Variants in PTPRN2 observed in about 807,000 individuals in gnomAD.
PTPRN2 encodes the protein receptor-type tyrosine-protein phosphatase N2.
PTPRN2 carries 74 observed loss-of-function variants against 118.8 expected under a neutral mutation model. The observed-to-expected ratio is 0.62, with a 90% CI of 0.52 to 0.76. The LOEUF (loss-of-function observed/expected upper bound fraction) is 0.76. PTPRN2 is among the 30% of genes least tolerant of loss of function. The pLI, the probability that PTPRN2 is intolerant of heterozygous loss-of-function variation, is 0.00. For synonymous variants in PTPRN2, 641 were observed against 608.0 expected, an observed-to-expected ratio of 1.05 and a Z score of -0.80; for missense variants, 1,481 against 1,394.4, an observed-to-expected ratio of 1.06 and a Z score of -0.99.
At chr7:158,123,542 G>A (rs758681325) in intron 9 of PTPRN2, among the ~76,000 whole-genome samples, 10 of 152,098 alleles carry the variant, frequency 6.6e-5, no homozygotes, top group South Asian at 2.1e-4. Context: ...TTCCTCCTGC[G>A]GACCGCCATG....
At chr7:157,830,537 G>A (rs1331803527) in intron 12 of PTPRN2, among the ~76,000 whole-genome samples, 4 of 151,828 alleles carry the variant, frequency 2.6e-5, no homozygotes, top group Non-Finnish European at 4.4e-5. Context: ...TGCTGTGGCC[G>A]GAGGCACACA....
At chr7:157,934,126 C>T (rs28546625) in intron 11 of PTPRN2, among the ~76,000 whole-genome samples, 5,325 of 152,222 alleles carry the variant, frequency 0.035, 277 homozygotes, top group African/African-American at 0.11. Context: ...GGCACGTGTG[C>T]GGATCCATCT....
intron 12 of PTPRN2, among the ~76,000 whole-genome samples, chr7:157,795,995 A>G (rs1804847364): frequency 6.6e-6 from 1 of 152,232 alleles, no homozygotes; most frequent in South Asian, 2.1e-4. Flanking sequence ...GAGAGGCCCT[A>G]TGGTGCACAC....
At chr7:158,364,622 A>G (rs1809285224) in intron 2 of PTPRN2, among the ~76,000 whole-genome samples, 1 of 152,230 alleles carries the variant, frequency 6.6e-6, no homozygotes, top group South Asian at 2.1e-4. Flanking sequence ...TCACGCTGAC[A>G]CGCTGAGAGT....
intron 17 of PTPRN2, among the ~76,000 whole-genome samples, chr7:157,578,909 T>C (rs1585056115): frequency 6.6e-6 from 1 of 152,242 alleles, no homozygotes; most frequent in Non-Finnish European, 1.5e-5. Context: ...TATTAGCATA[T>C]GAAATTATAG....
intron 13 of PTPRN2, among the ~76,000 whole-genome samples, chr7:157,666,778 G>T (rs552327836): frequency 1.3e-5 from 2 of 152,378 alleles, no homozygotes; most frequent in South Asian, 2.1e-4. Context: ...AGAGTACAAG[G>T]CCTGGCTTGC....
chr7:157,557,552 C>CCACACCCA (rs1554491377), intron 21 of PTPRN2, among the ~76,000 whole-genome samples: 1 of 149,626 alleles, frequency 6.7e-6, no homozygotes, highest in Non-Finnish European at 1.5e-5. Context: ...ACACACACTC[C>CCACACCCA]CACACACACA....
At chr7:157,967,288 C>A (rs994561674) in intron 11 of PTPRN2, among the ~76,000 whole-genome samples, 1 of 152,158 alleles carries the variant, frequency 6.6e-6, no homozygotes, top group Non-Finnish European at 1.5e-5. Context: ...CCAGCCTGGG[C>A]GACAGAGTGA....
rs575025674 is a variant in PTPRN2, at chr7:157,866,818, A to G, written c.1788+31855T>C. 1.5e-3 allele frequency among the ~76,000 whole-genome samples: 152 copies of G among 103,030 alleles called. 1 individual carries two copies. Among genetic ancestry groups the G allele is most frequent in the African/African-American group, 5.0e-3 (128 of 25,428 alleles). The allele number at this position is 103,030 out of a possible 152,430, so 67.6% of individuals were successfully genotyped here. A position where few individuals can be genotyped will look rare whatever the true frequency, so the allele number is the denominator to read the frequency against. On this transcript the variant is annotated intron_variant, in intron 12 of 22. Transcript: ENST00000389418. ...ACCCCGCCCCCGACGCCCTGGATAC[A>G]TGGCCACCACCGCCCCCCCCCGACG...
In PTPRN2 at chr7:158,121,133, G is replaced by T. The variant is rs554651409; in HGVS notation, c.1557-10218C>A. Among the ~76,000 whole-genome samples, 5 of 152,222 alleles carry T rather than the reference G, an allele frequency of 3.3e-5. No homozygotes were observed. The South Asian group carries it at 1.0e-3, about 32-fold the overall frequency. On this transcript the variant is annotated intron_variant, in intron 9 of 22. Coordinates refer to ENST00000389418, the MANE Select transcript of PTPRN2 (RefSeq NM_002847.5). ...TCTCTGCCTGGGCCTGGTGGTGACT[G>T]CTCCAAAGGGCCAGCCTACCTGCTC...
At position 158,093,815 on chromosome 7, in the gene PTPRN2, GAGGA is replaced by G. The variant is rs1272730666; in HGVS notation, c.1644-12442_1644-12439del. Among the ~76,000 whole-genome samples the G allele has an allele frequency of 1.3e-5, 2 of 152,174 alleles. No individual in the cohort carries two copies. The highest frequency in any genetic ancestry group is 4.8e-5 in the African/African-American group (2 of 41,426). On this transcript the variant is annotated intron_variant, in intron 10 of 22. Transcript: ENST00000389418. The surrounding 1 kb of genome is among the most constrained non-coding windows in gnomAD (Gnocchi z 4.4). ...ATATCTAGCCTAAGAGCTTACAAAG[GAGGA>G]AGAAGAGAGAACCAATTCTTATTTG...
chr7:157,917,936 T>G (rs1798501849), intron 11 of PTPRN2, among the ~76,000 whole-genome samples: 1 of 152,120 alleles, frequency 6.6e-6, no homozygotes, highest in South Asian at 2.1e-4. Context: ...CAACGCAAAT[T>G]TCAGTGAAAT....
chr7:158,087,487 A>G (rs1438593923), intron 10 of PTPRN2, among the ~76,000 whole-genome samples: 1 of 152,244 alleles, frequency 6.6e-6, no homozygotes, highest in Non-Finnish European at 1.5e-5. Flanking sequence ...CCACCTTTTG[A>G]CAGTCAAATT....
intron 2 of PTPRN2, among the ~76,000 whole-genome samples, chr7:158,480,569 C>T (rs926493597): frequency 7.2e-5 from 11 of 152,216 alleles, no homozygotes; most frequent in Admixed American, 5.2e-4. Context: ...GAAGCCATGC[C>T]GAAAGCCAAG....
At chr7:158,490,212 C>T (rs1028828913) in intron 1 of PTPRN2, among the ~76,000 whole-genome samples, 3 of 152,242 alleles carry the variant, frequency 2.0e-5, no homozygotes, top group Admixed American at 2.0e-4. Flanking sequence ...CGGAGGCTTC[C>T]AGGGAGGTAA....
chr7:158,312,281 C>CAT (rs60594105), intron 3 of PTPRN2, among the ~76,000 whole-genome samples: 2,287 of 118,692 alleles, frequency 0.019, 69 homozygotes, highest in African/African-American at 0.066. Context: ...CATGTAGACA[C>CAT]GCACACATGC....
At chr7:157,742,088 C>G (rs1398685050) in intron 12 of PTPRN2, among the ~76,000 whole-genome samples, 1 of 152,246 alleles carries the variant, frequency 6.6e-6, no homozygotes, top group Non-Finnish European at 1.5e-5. Flanking sequence ...AGATGTATCT[C>G]TCTACGGTGA....
chr7:157,966,323 A>C lies in PTPRN2; in HGVS notation c.1724-67586T>G, dbSNP rs114509453. Reference sequence around the variant, plus strand: ...CATCACCACCATCATCTTCATTACCACCATCATCTTCACCACCACCATCAT... The same window carrying C: ...CATCACCACCATCATCTTCATTACCCCCATCATCTTCACCACCACCATCAT... On this transcript the variant is annotated intron_variant, in intron 11 of 22. Coordinates refer to ENST00000389418, the MANE Select transcript of PTPRN2 (RefSeq NM_002847.5). Among the ~76,000 whole-genome samples, 488 of 150,580 alleles carry C rather than the reference A, an allele frequency of 3.2e-3. 2 individuals are homozygous for C. The highest frequency in any genetic ancestry group is 0.011 in the African/African-American group (441 of 40,178).
intron 6 of PTPRN2, among the ~76,000 whole-genome samples, chr7:158,142,544 T>G (rs1179491405): frequency 1.3e-5 from 2 of 152,142 alleles, no homozygotes; most frequent in Admixed American, 6.5e-5. Context: ...AACGCAGGGA[T>G]TGGCATGGAG....
Sources: gnomAD v4.1 joint callset for allele counts (sites outside exome capture counted in the v4.1 genomes callset) on GRCh38, gnomAD v4.1.1 for gene constraint, Gnocchi (gnomAD v3.1) non-coding constraint, MANE v1.5 for transcripts, NCBI Gene and HGNC (gene_info 2026-07-23, HGNC 2026-07-21) for gene names.